Variants in GSE1 observed in about 807,000 individuals in gnomAD.
GSE1 encodes the protein genetic suppressor element 1.
A neutral mutation model predicts 112.6 loss-of-function variants in GSE1; 32 were observed. The ratio of observed to expected loss-of-function variants is 0.28; its 90% CI spans 0.21 to 0.38. GSE1 has a LOEUF of 0.38. Among genes scored for constraint, GSE1 ranks in the 10% least tolerant of loss-of-function variants. The pLI, the probability that GSE1 is intolerant of heterozygous loss-of-function variation, is 1.00. For missense variants in GSE1, 2,348 were observed against 1,699.2 expected, an observed-to-expected ratio of 1.38 and a Z score of -6.71; for synonymous variants, 1,115 against 735.6, an observed-to-expected ratio of 1.52 and a Z score of -8.35.
intron 13 of GSE1, among the ~76,000 whole-genome samples, chr16:85,667,628 C>T (rs568619027): frequency 2.3e-4 from 35 of 152,194 alleles, no homozygotes; most frequent in Middle Eastern, 3.2e-3. Flanking sequence ...GAGGCCAAGG[C>T]GGGCAGATCA....
At chr16:85,308,334 T>C (rs768128308) in intron 1 of GSE1, among the ~76,000 whole-genome samples, 5 of 152,140 alleles carry the variant, frequency 3.3e-5, no homozygotes, top group Non-Finnish European at 7.4e-5. Context: ...TGAGGGAACC[T>C]TTTGGGACAG....
chr16:85,662,910 G>C (rs1013062950), intron 9 of GSE1, 71 bp from the exon 10 acceptor site: 7 of 1,064,704 alleles, frequency 6.6e-6, no homozygotes, highest in Non-Finnish European at 8.7e-6. Context: ...GCACACATGA[G>C]GCCCTGCGGG....
At chr16:85,605,223 G>A (rs891776855) in intron 1 of GSE1, among the ~76,000 whole-genome samples, 1 of 151,818 alleles carries the variant, frequency 6.6e-6, no homozygotes, top group Non-Finnish European at 1.5e-5. Flanking sequence ...GGGCCGGCAG[G>A]GGCTGGGCTC....
At chr16:85,227,695 G>C (rs1035430295) in intron 1 of GSE1, among the ~76,000 whole-genome samples, 1 of 152,200 alleles carries the variant, frequency 6.6e-6, no homozygotes, top group East Asian at 1.9e-4. Flanking sequence ...AGAGGAAGTG[G>C]GAGGGGAGAT....
At chr16:85,664,030 A>C (rs1301741313) in intron 11 of GSE1, among the ~76,000 whole-genome samples, 1 of 152,240 alleles carries the variant, frequency 6.6e-6, no homozygotes, top group Non-Finnish European at 1.5e-5. Context: ...AGGCCTGGGG[A>C]AGGGCTGCCA....
chr16:85,375,464 G>A (rs767005733), intron 2 of GSE1, among the ~76,000 whole-genome samples: 5 of 152,178 alleles, frequency 3.3e-5, no homozygotes, highest in Non-Finnish European at 5.9e-5. Context: ...GGGAAGCAGC[G>A]GGTGTCACAA....
At chr16:85,308,664 A>T (rs1237932715) in intron 1 of GSE1, among the ~76,000 whole-genome samples, 2 of 152,042 alleles carry the variant, frequency 1.3e-5, no homozygotes, top group Non-Finnish European at 2.9e-5. Flanking sequence ...ACAAAGAAGA[A>T]CATATATTTT....
At chr16:85,364,235 C>A (rs1275513395) in intron 2 of GSE1, among the ~76,000 whole-genome samples, 1 of 152,284 alleles carries the variant, frequency 6.6e-6, no homozygotes, top group Admixed American at 6.5e-5. Context: ...AGCAACTCAG[C>A]GTCTCTCAGA....
intron 2 of GSE1, among the ~76,000 whole-genome samples, chr16:85,413,148 G>T (rs1467218289): frequency 6.6e-6 from 1 of 152,164 alleles, no homozygotes; most frequent in Non-Finnish European, 1.5e-5. Context: ...GTGTGTTTCC[G>T]CACACCCTGC....
In GSE1 at chr16:85,665,995, C is replaced by A. The variant is rs763547950; in HGVS notation, c.2778C>A (p.Ala926=). Residue 926 remains alanine (A), a synonymous_variant, in exon 13 of 16, where the codon GCC becomes GCA. Coordinates refer to ENST00000253458, the MANE Select transcript of GSE1 (RefSeq NM_014615.5). ...VSLSEPATQQ[A]SLDVEKPVGV... The stretch of plus-strand genomic sequence containing the variant: ...TAAAAGAACCAGCCACGCAGCAAGC[C>A]TCTCTGGATGTGGAGAAGCCGGTTG... The A allele has an allele frequency of 6.2e-7, 1 of 1,613,496 alleles. No individual in the cohort carries two copies. Among genetic ancestry groups the A allele is most frequent in the African/African-American group, 1.3e-5 (1 of 75,066 alleles).
intron 1 of GSE1, among the ~76,000 whole-genome samples, chr16:85,599,836 G>A (rs1567632683): frequency 6.6e-6 from 1 of 152,214 alleles, no homozygotes; most frequent in East Asian, 1.9e-4. Flanking sequence ...GGAGTTAGAG[G>A]CTGCAGTGAG....
intron 2 of GSE1, among the ~76,000 whole-genome samples, chr16:85,402,628 A>G (rs1286842446): frequency 1.3e-4 from 20 of 152,314 alleles, no homozygotes; most frequent in Non-Finnish European, 1.5e-5. Flanking sequence ...GCTGCCTAAC[A>G]GATTGCCCCA....
intron 2 of GSE1, among the ~76,000 whole-genome samples, chr16:85,480,143 G>C (rs1335099591): frequency 6.6e-6 from 1 of 152,234 alleles, no homozygotes; most frequent in Non-Finnish European, 1.5e-5. Flanking sequence ...CTGAGGCACG[G>C]AGAGGTGAAG....
At chr16:85,299,738 G>A (rs1328373617) in intron 1 of GSE1, among the ~76,000 whole-genome samples, 1 of 152,176 alleles carries the variant, frequency 6.6e-6, no homozygotes, top group East Asian at 1.9e-4. Context: ...GACCAGCCTG[G>A]GCAACATAGT....
At chr16:85,170,383 G>A (rs2074339955) in exon 1 of GSE1, 1 of 985,522 alleles carries the variant, frequency 1.0e-6, no homozygotes, top group South Asian at 4.7e-5. Flanking sequence ...TGTCCAAGAG[G>A]CCCCTGCAGA....
chr16:85,590,242 G>A (rs200785155), intron 1 of GSE1, among the ~76,000 whole-genome samples: 11 of 151,580 alleles, frequency 7.3e-5, no homozygotes, highest in East Asian at 3.9e-4. Flanking sequence ...GTGTGTGAAC[G>A]TGTGGGCCCG....
intron 1 of GSE1, among the ~76,000 whole-genome samples, chr16:85,562,733 G>T (rs750247795): frequency 2.6e-5 from 4 of 152,162 alleles, no homozygotes; most frequent in Non-Finnish European, 5.9e-5. Flanking sequence ...TGGGGGGAGC[G>T]GTCCCAGGGG....
chr16:85,175,235 C>G (rs1476243354), intron 1 of GSE1, among the ~76,000 whole-genome samples: 1 of 152,182 alleles, frequency 6.6e-6, no homozygotes, highest in Non-Finnish European at 1.5e-5. Context: ...CCAGAGAGCA[C>G]CATGCTCTGC....
chr16:85,184,595 C>T (rs1408928583), intron 1 of GSE1, among the ~76,000 whole-genome samples: 1 of 152,176 alleles, frequency 6.6e-6, no homozygotes, highest in Non-Finnish European at 1.5e-5. Flanking sequence ...GCAATTAAAG[C>T]TATGCATGTT....
Sources: allele counts gnomAD v4.1 joint callset (sites outside exome capture counted in the v4.1 genomes callset), GRCh38; gene constraint gnomAD v4.1.1; transcripts MANE v1.5; gene names NCBI Gene and HGNC (gene_info 2026-07-23, HGNC 2026-07-21).